The following CHIT1 variants were observed in gnomAD, a reference collection of about 807,000 sequenced individuals.
The protein encoded by CHIT1 is chitotriosidase-1.
In CHIT1, 47 loss-of-function variants were observed where a neutral mutation model predicts 52.0. The observed-to-expected ratio is 0.90, with a 90% confidence interval of 0.71 to 1.15. The LOEUF is 1.15. Ranked by LOEUF, CHIT1 falls within the 50% of genes most tolerant of loss-of-function variation. CHIT1 has a pLI of 0.00. For synonymous variants in CHIT1, 242 were observed against 228.2 expected (o/e 1.06, Z -0.54); for missense variants, 569 against 583.0 (o/e 0.98, Z 0.25).
chr1:203,219,526 T>C, intron 8 of CHIT1, 138 bp downstream of exon 8: 2 of 1,119,258 alleles, frequency 1.8e-6, no homozygotes, highest in East Asian at 2.4e-5. Context: ...CAAGATGGCA[T>C]GGATGAGATG....
Position 203,219,717 on chromosome 1 carries a change from AC to A in CHIT1, c.861del (p.Ser288LeufsTer60), listed in dbSNP as rs1656662981. 6.2e-7 allele frequency: 1 copy of A among 1,613,892 alleles called. No individual in the cohort carries two copies. The highest frequency in any genetic ancestry group is 1.3e-5 in the African/African-American group (1 of 74,874). On this transcript the variant is annotated frameshift_variant, in exon 8 of 11. Coordinates refer to ENST00000367229, the MANE Select transcript of CHIT1 (RefSeq NM_003465.3). LOFTEE classifies it high-confidence loss of function. The stretch of plus-strand genomic sequence containing the variant: ...TTGGTGAAGGGGCCTGGAGTGCCAG[AC>A]CCTGTGGCTGGGGCCCCCACTCTGG... ...SDTRVGAPATGSGTPGPFTKE... is the reference protein window; with the variant it reads ...SDTRVGAPATXSGTPGPFTKE...
chr1:203,218,415 CA>C (rs1656616379), intron 9 of CHIT1, among the ~76,000 whole-genome samples: 1 of 152,158 alleles, frequency 6.6e-6, no homozygotes. Flanking sequence ...CTAACCCTGC[CA>C]GGGGGCCATG....
Position 203,228,597 on chromosome 1 carries a change from C to T in CHIT1, c.26-35G>A, listed in dbSNP as rs759016993. Reference sequence around the variant, plus strand: ...CACAAGAGAGAAGGCCAGGGTTATGCTGCCATTCTCACCTTCCCAGGCCCC... The same window carrying T: ...CACAAGAGAGAAGGCCAGGGTTATGTTGCCATTCTCACCTTCCCAGGCCCC... On this transcript the variant is annotated intron_variant, in intron 1 of 10. Transcript: ENST00000367229. The T allele has an allele frequency of 2.5e-5, 39 of 1,567,228 alleles. No individual in the cohort carries two copies. The South Asian group carries it at 4.6e-4, about 18-fold the overall frequency.
chr1:203,217,836 G>A lies in CHIT1; in HGVS notation c.1059C>T (p.Gly353=), dbSNP rs147080247. ...AGTCCAGTGCCCAGACCATGGCCCCGCCCAGTCCCTTCTGCTTCAGATAGC... is the reference window on the plus strand; with the variant it reads ...AGTCCAGTGCCCAGACCATGGCCCCACCCAGTCCCTTCTGCTTCAGATAGC... ...KVSYLKQKGL[G]GAMVWALDLD... Residue 353 remains glycine (G), a synonymous_variant, in exon 10 of 11, where the codon GGC becomes GGT. Transcript: ENST00000367229. 4.5e-5 allele frequency: 73 copies of A among 1,613,754 alleles called. No individual in the cohort carries two copies. Among genetic ancestry groups the A allele is most frequent in the Non-Finnish European group, 5.9e-5 (70 of 1,179,922 alleles).
intron 1 of CHIT1, 152 bp downstream of exon 1, chr1:203,229,460 C>A (rs1457434408): frequency 1.1e-5 from 9 of 830,332 alleles, no homozygotes; most frequent in Non-Finnish European, 1.8e-5. Context: ...CAAGGGACTG[C>A]AAGCCAGGAG....
At chr1:203,228,683 C>T in intron 1 of CHIT1, 121 bp from the exon 2 acceptor site, 1 of 1,193,208 alleles carries the variant, frequency 8.4e-7, no homozygotes, top group South Asian at 1.3e-5. Context: ...ATCAAGCTTT[C>T]TCCTTTCAGA....
At chr1:203,227,943 G>T (rs1656985267) in intron 2 of CHIT1, among the ~76,000 whole-genome samples, 2 of 152,310 alleles carry the variant, frequency 1.3e-5, no homozygotes, top group South Asian at 4.1e-4. Flanking sequence ...GATGCCCAGG[G>T]AATGGGGTGG....
rs1047175658 is a variant in CHIT1, at chr1:203,219,719, C to A, written c.860G>T (p.Gly287Val). 3 of 1,614,098 alleles carry A rather than the reference C, an allele frequency of 1.9e-6. No homozygotes were observed. Among genetic ancestry groups the A allele is most frequent in the Non-Finnish European group, 2.5e-6 (3 of 1,180,014 alleles). ...SDTRVGAPATGSGTPGPFTKE... is the reference protein window; with the variant it reads ...SDTRVGAPATVSGTPGPFTKE... ...GGTGAAGGGGCCTGGAGTGCCAGAC[C>A]CTGTGGCTGGGGCCCCCACTCTGGT... The change falls in exon 8 of 11, where the codon GGG becomes GTG. Residue 287 changes from glycine (G) to valine (V), a missense_variant. Physicochemically the swap from Gly to Val is moderately radical, Grantham distance 109. Transcript: ENST00000367229.
chr1:203,225,251 C>A, intron 3 of CHIT1, 147 bp from the exon 4 acceptor site: 1 of 749,256 alleles, frequency 1.3e-6, no homozygotes, highest in Non-Finnish European at 2.3e-6. Context: ...CTGGGGACAG[C>A]TGTAGATTGG....
chr1:203,230,075 G>C (rs951078357), upstream of CHIT1: 1 of 229,036 alleles, frequency 4.4e-6, no homozygotes. Flanking sequence ...CTCTCAAACT[G>C]TTTCTCCATC....
chr1:203,221,476 T>TA (rs1358042900), intron 7 of CHIT1, among the ~76,000 whole-genome samples: 4 of 151,526 alleles, frequency 2.6e-5, no homozygotes, highest in East Asian at 1.9e-4. Flanking sequence ...TCTACAAACT[T>TA]AAAAAAAATT....
At chr1:203,220,070 G>C (rs748205592) in intron 7 of CHIT1, among the ~76,000 whole-genome samples, 4 of 152,116 alleles carry the variant, frequency 2.6e-5, no homozygotes, top group African/African-American at 7.2e-5. Flanking sequence ...GAGAGCGTGG[G>C]CTTCGGACGC....
In CHIT1 at chr1:203,221,740, G is replaced by A. The variant is rs116053479; in HGVS notation, c.729+462C>T. On this transcript the variant is annotated intron_variant, in intron 7 of 10. Transcript: ENST00000367229. ...ACCAAGCCTGCCCTTTGCAGGTGCTGGGAGTACTTCCACCCTGAGTGACAT... is the reference window on the plus strand; with the variant it reads ...ACCAAGCCTGCCCTTTGCAGGTGCTAGGAGTACTTCCACCCTGAGTGACAT... Among the ~76,000 whole-genome samples the A allele has an allele frequency of 4.0e-3, 611 of 152,304 alleles. 6 individuals are homozygous for A. The highest frequency in any genetic ancestry group is 0.014 in the African/African-American group (584 of 41,556).
chr1:203,221,552 A>T (rs1338484108), intron 7 of CHIT1, among the ~76,000 whole-genome samples: 1 of 152,002 alleles, frequency 6.6e-6, no homozygotes, highest in Non-Finnish European at 1.5e-5. Context: ...GCCTGGGAGG[A>T]TGAAGCTGCA....
chr1:203,217,212 C>G (rs953948808), intron 10 of CHIT1, 79 bp from the exon 11 acceptor site: 1 of 1,596,788 alleles, frequency 6.3e-7, no homozygotes, highest in African/African-American at 1.3e-5. Context: ...AGGCAGCAAC[C>G]ATTGGCTGGC....
intron 2 of CHIT1, 106 bp downstream of exon 2, chr1:203,228,427 C>G: frequency 8.3e-7 from 1 of 1,208,898 alleles, no homozygotes; most frequent in East Asian, 2.5e-5. Context: ...AAGAGAGTCC[C>G]CACTGAAATC....
chr1:203,227,759 C>A (rs922697768), intron 2 of CHIT1, among the ~76,000 whole-genome samples: 1 of 152,232 alleles, frequency 6.6e-6, no homozygotes, highest in Non-Finnish European at 1.5e-5. Flanking sequence ...GTAGCCTGGA[C>A]TAAAGCTTTT....
intron 1 of CHIT1, among the ~76,000 whole-genome samples, chr1:203,229,397 A>G (rs1161789830): frequency 6.6e-6 from 1 of 152,194 alleles, no homozygotes; most frequent in Non-Finnish European, 1.5e-5. Context: ...CCCTTGCAAC[A>G]TGAAGTCTCT....
chr1:203,217,215 T>A, intron 10 of CHIT1, 82 bp from the exon 11 acceptor site: 2 of 1,596,314 alleles, frequency 1.3e-6, no homozygotes, highest in Non-Finnish European at 8.5e-7. Context: ...CAGCAACCAT[T>A]GGCTGGCAGC....
Sources: gnomAD v4.1 joint callset for allele counts (sites outside exome capture counted in the v4.1 genomes callset) on GRCh38, gnomAD v4.1.1 for gene constraint, MANE v1.5 for transcripts, NCBI Gene and HGNC (gene_info 2026-07-23, HGNC 2026-07-21) for gene names.